KIAA2012: variants seen among roughly 807,000 people sequenced by gnomAD.
The protein encoded by KIAA2012 is uncharacterized protein KIAA2012.
Under a neutral mutation model 150.6 loss-of-function variants are expected in KIAA2012, and 125 were observed. The ratio of observed to expected loss-of-function variants is 0.83; its 90% CI spans 0.72 to 0.96. KIAA2012 has a LOEUF of 0.96. Ranked by LOEUF, KIAA2012 falls within the 40% of genes least tolerant of loss-of-function variation. The pLI, the probability that KIAA2012 is intolerant of heterozygous loss-of-function variation, is 0.00. For synonymous variants in KIAA2012, 462 were observed against 504.7 expected, an observed-to-expected ratio of 0.92 and a Z score of 1.13; for missense variants, 1,219 against 1,354.9, an observed-to-expected ratio of 0.90 and a Z score of 1.57.
intron 14 of KIAA2012, among the ~76,000 whole-genome samples, chr2:202,162,792 T>G (rs1443758456): frequency 6.0e-5 from 9 of 151,016 alleles, no homozygotes; most frequent in Non-Finnish European, 1.5e-5. Flanking sequence ...TAGCTGGGCG[T>G]GGTGGCGGGC....
chr2:202,133,244 C>T (rs1690999030), intron 12 of KIAA2012, among the ~76,000 whole-genome samples: 1 of 150,072 alleles, frequency 6.7e-6, no homozygotes, highest in Non-Finnish European at 1.5e-5. Flanking sequence ...ACACAGTCTT[C>T]CACCATAGAT....
intron 2 of KIAA2012, among the ~76,000 whole-genome samples, chr2:202,083,047 T>G (rs1389056774): frequency 6.6e-6 from 1 of 152,196 alleles, no homozygotes; most frequent in East Asian, 1.9e-4. Context: ...CAATCCTAGT[T>G]GTACCTTTAC....
At chr2:202,110,266 G>A (rs917022227) in intron 10 of KIAA2012, among the ~76,000 whole-genome samples, 3 of 152,204 alleles carry the variant, frequency 2.0e-5, no homozygotes, top group Non-Finnish European at 4.4e-5. Flanking sequence ...GCAGGGCAAG[G>A]CCATTCCCTC....
intron 10 of KIAA2012, among the ~76,000 whole-genome samples, chr2:202,111,606 G>A (rs1433164965): frequency 6.6e-6 from 1 of 151,696 alleles, no homozygotes; most frequent in Admixed American, 6.6e-5. Context: ...TGTTGGGTGT[G>A]TGCATGTGTG....
intron 18 of KIAA2012, 53 bp downstream of exon 18, chr2:202,188,319 C>G: frequency 7.0e-7 from 1 of 1,421,242 alleles, no homozygotes; most frequent in Non-Finnish European, 9.6e-7. Context: ...TGTTAGGGGT[C>G]GGGAGGTGGT....
chr2:202,179,376 C>G (rs1053616867), intron 15 of KIAA2012: 1 of 849,496 alleles, frequency 1.2e-6, no homozygotes. Context: ...GCTTTGGCTG[C>G]TGTAGCTGGA....
rs967954863 is a variant in KIAA2012, at chr2:202,073,476, G to A, written c.-152G>A. On this transcript the variant is annotated 5_prime_UTR_variant, in exon 1 of 24. Coordinates refer to ENST00000498697, the MANE Select transcript of KIAA2012 (RefSeq NM_001277372.4). Reference sequence around the variant, plus strand: ...TGTGGCTGGTTGTTACTAAGAAGCTGCTGCGAGAGGGAAAAATGTATTTAA... The same window carrying A: ...TGTGGCTGGTTGTTACTAAGAAGCTACTGCGAGAGGGAAAAATGTATTTAA... 38 of 626,020 alleles carry A rather than the reference G, an allele frequency of 6.1e-5. No individual in the cohort carries two copies. Among genetic ancestry groups the A allele is most frequent in the Non-Finnish European group, 9.2e-5 (33 of 358,458 alleles). The allele number at this position is 626,020 out of a possible 1,614,324, so 38.8% of individuals were successfully genotyped here.
At chr2:202,137,730 T>C (rs1317963242) in intron 12 of KIAA2012, 1 of 152,228 alleles carries the variant, frequency 6.6e-6, no homozygotes, top group Admixed American at 6.5e-5. Flanking sequence ...AAAACCTCAC[T>C]AGTGGTACAA....
intron 14 of KIAA2012, among the ~76,000 whole-genome samples, chr2:202,160,610 G>A (rs1421237999): frequency 1.3e-5 from 2 of 152,144 alleles, no homozygotes; most frequent in African/African-American, 2.4e-5. Flanking sequence ...ACCACGCCCG[G>A]CCAAAATCAT....
At chr2:202,100,790 AACTT>A (rs1402946894) in intron 7 of KIAA2012, among the ~76,000 whole-genome samples, 3 of 152,256 alleles carry the variant, frequency 2.0e-5, no homozygotes, top group South Asian at 2.1e-4. Context: ...GTAAGCAGTT[AACTT>A]ACTTCAGATT....
In KIAA2012 at chr2:202,084,505, CG is replaced by C. The variant is rs149352595; in HGVS notation, c.370-6264del. 4.8e-3 allele frequency among the ~76,000 whole-genome samples: 724 copies of C among 152,298 alleles called. 9 individuals carry two copies. The highest frequency in any genetic ancestry group is 0.016 in the African/African-American group (677 of 41,560). On this transcript the variant is annotated intron_variant, in intron 2 of 23. Transcript: ENST00000498697. Reference sequence around the variant, plus strand: ...GTGGAATGTGGATAATAGGCCACCCCGTGCACACTAATTACTCATTGCAGAA... The same window carrying C: ...GTGGAATGTGGATAATAGGCCACCCCTGCACACTAATTACTCATTGCAGAA...
intron 9 of KIAA2012, 150 bp from the exon 10 acceptor site, chr2:202,109,463 C>T (rs1239304419): frequency 3.2e-6 from 2 of 623,062 alleles, no homozygotes; most frequent in Non-Finnish European, 5.1e-6. Context: ...AACACCAGGA[C>T]AATTTCTCCC....
At chr2:202,184,536 C>T (rs1401412110) in intron 15 of KIAA2012, among the ~76,000 whole-genome samples, 2 of 152,120 alleles carry the variant, frequency 1.3e-5, no homozygotes, top group Non-Finnish European at 2.9e-5. Flanking sequence ...ACTGTCATAT[C>T]ACTTTCCCAA....
At chr2:202,172,532 A>G (rs534765280) in intron 15 of KIAA2012, among the ~76,000 whole-genome samples, 1 of 152,362 alleles carries the variant, frequency 6.6e-6, no homozygotes, top group Admixed American at 6.5e-5. Flanking sequence ...GTGCATGACA[A>G]CTAATTATTA....
chr2:202,194,473 C>A, intron 21 of KIAA2012, 111 bp downstream of exon 21: 1 of 1,025,040 alleles, frequency 9.8e-7, no homozygotes, highest in Non-Finnish European at 1.3e-6. Flanking sequence ...GTGTTAAGCA[C>A]TCTAAATAAT....
intron 12 of KIAA2012, among the ~76,000 whole-genome samples, chr2:202,125,632 G>A (rs1174221601): frequency 1.3e-5 from 2 of 152,116 alleles, no homozygotes; most frequent in Non-Finnish European, 2.9e-5. Context: ...TTGTCCCCTG[G>A]AGTCGTGCAT....
At chr2:202,111,969 T>C (rs541189453) in intron 10 of KIAA2012, among the ~76,000 whole-genome samples, 2 of 152,276 alleles carry the variant, frequency 1.3e-5, no homozygotes, top group East Asian at 3.9e-4. Flanking sequence ...GTCTTGGAGA[T>C]GGGGAAGGTA....
chr2:202,093,029 G>C lies in KIAA2012; in HGVS notation c.530-1G>C. Reference sequence around the variant, plus strand: ...TCAATATCTCCTGATCTACTCTTCAGGATACATCAAGGATTCTGTGCTACT... The same window carrying C: ...TCAATATCTCCTGATCTACTCTTCACGATACATCAAGGATTCTGTGCTACT... On this transcript the variant is annotated splice_acceptor_variant, in intron 3 of 23. Coordinates refer to ENST00000498697, the MANE Select transcript of KIAA2012 (RefSeq NM_001277372.4). LOFTEE classifies it high-confidence loss of function. The C allele has an allele frequency of 6.5e-7, 1 of 1,549,872 alleles. No homozygotes were observed. The highest frequency in any genetic ancestry group is 2.4e-5 in the East Asian group (1 of 40,904).
chr2:202,081,219 T>C (rs774025901), intron 2 of KIAA2012, among the ~76,000 whole-genome samples: 1 of 152,266 alleles, frequency 6.6e-6, no homozygotes, highest in African/African-American at 2.4e-5. Context: ...CCCTTGTATG[T>C]ATACACCACA....
Sources: allele counts gnomAD v4.1 joint callset (sites outside exome capture counted in the v4.1 genomes callset), GRCh38; gene constraint gnomAD v4.1.1; transcripts MANE v1.5; gene names NCBI Gene and HGNC (gene_info 2026-07-23, HGNC 2026-07-21).